RFX4: variants seen among roughly 807,000 people sequenced by gnomAD.
RFX4 encodes transcription factor RFX4.
RFX4 carries 10 observed loss-of-function variants against 95.0 expected under a neutral mutation model. The ratio of observed to expected loss-of-function variants is 0.11; its 90% CI spans 0.06 to 0.18. RFX4 has a LOEUF of 0.18. Among genes scored for constraint, RFX4 ranks in the 10% least tolerant of loss-of-function variants. The pLI is 1.00. For missense variants in RFX4, 640 were observed against 922.0 expected (o/e 0.69, Z 3.96); for synonymous variants, 321 against 340.7 (o/e 0.94, Z 0.64).
intron 15 of RFX4, 60 bp downstream of exon 15, chr12:106,733,145 C>T (rs2042645341): frequency 1.9e-6 from 3 of 1,557,848 alleles, no homozygotes; most frequent in African/African-American, 1.4e-5. Flanking sequence ...GGCTTTCTGC[C>T]AGCCTGGGCA....
chr12:106,698,698 C>T lies in RFX4; in HGVS notation c.833+2252C>T, dbSNP rs571517314. 3.6e-3 allele frequency among the ~76,000 whole-genome samples: 529 copies of T among 145,352 alleles called. 5 individuals carry two copies. Among genetic ancestry groups the T allele is most frequent in the Non-Finnish European group, 4.0e-3 (262 of 65,710 alleles). On this transcript the variant is annotated intron_variant, in intron 8 of 17. Transcript: ENST00000392842. ...TGCATTGAAAAGTGTTCCCTCTCTT[C>T]TTTTTTTTTTTAATTCATAATATTT...
At chr12:106,670,763 C>A (rs537877023) in intron 4 of RFX4, among the ~76,000 whole-genome samples, 2 of 152,264 alleles carry the variant, frequency 1.3e-5, no homozygotes, top group Admixed American at 6.5e-5. Flanking sequence ...AAGATGGAAG[C>A]ATTGAGATAG....
At chr12:106,742,113 T>C (rs1593004999) in intron 15 of RFX4, among the ~76,000 whole-genome samples, 1 of 152,178 alleles carries the variant, frequency 6.6e-6, no homozygotes, top group East Asian at 1.9e-4. Flanking sequence ...GCCAGGTAGC[T>C]TGGGAAGCAC....
At chr12:106,648,886 G>A (rs1331529877) in intron 3 of RFX4, among the ~76,000 whole-genome samples, 1 of 152,096 alleles carries the variant, frequency 6.6e-6, no homozygotes, top group Non-Finnish European at 1.5e-5. Context: ...ATTGTAAAGT[G>A]CTGATACAAA....
intron 11 of RFX4, among the ~76,000 whole-genome samples, chr12:106,718,588 A>T (rs1005607096): frequency 1.3e-5 from 2 of 152,230 alleles, no homozygotes; most frequent in African/African-American, 4.8e-5. Flanking sequence ...TCAGAATCTT[A>T]CTTCTTGTAG....
chr12:106,590,423 TA>T (rs2039522702), intron 1 of RFX4, among the ~76,000 whole-genome samples: 1 of 152,188 alleles, frequency 6.6e-6, no homozygotes, highest in Admixed American at 6.5e-5. Flanking sequence ...ATTTACAGTT[TA>T]AATAGAGAAA....
intron 4 of RFX4, among the ~76,000 whole-genome samples, chr12:106,655,030 C>T (rs538233283): frequency 6.6e-6 from 1 of 152,316 alleles, no homozygotes; most frequent in South Asian, 2.1e-4. Context: ...TTTTCTGCAT[C>T]TGCTAACAAA....
intron 17 of RFX4, among the ~76,000 whole-genome samples, chr12:106,757,425 G>A (rs1162423217): frequency 1.3e-5 from 2 of 152,036 alleles, no homozygotes; most frequent in Non-Finnish European, 2.9e-5. Context: ...GCACATACCT[G>A]TAGTCCCAGC....
At chr12:106,746,030 C>T (rs193232076) in intron 15 of RFX4, among the ~76,000 whole-genome samples, 69 of 152,104 alleles carry the variant, frequency 4.5e-4, no homozygotes, top group African/African-American at 1.5e-3. Context: ...AGTTCAAGAC[C>T]AGCCTGGGGA....
chr12:106,732,707 GTAAATAAA>G (rs372246846), intron 14 of RFX4, among the ~76,000 whole-genome samples: 3 of 151,594 alleles, frequency 2.0e-5, no homozygotes, highest in African/African-American at 7.3e-5. Flanking sequence ...CTCAAAATAA[GTAAATAAA>G]TAAATAAATA....
chr12:106,613,510 C>T (rs1283630317), intron 2 of RFX4, among the ~76,000 whole-genome samples: 12 of 151,740 alleles, frequency 7.9e-5, no homozygotes, highest in Admixed American at 7.9e-4. Flanking sequence ...TTACAGGCGC[C>T]CACCACCACA....
intron 15 of RFX4, among the ~76,000 whole-genome samples, chr12:106,746,708 A>G (rs1251947012): frequency 6.6e-6 from 1 of 152,212 alleles, no homozygotes; most frequent in East Asian, 1.9e-4. Context: ...AATAATCTTC[A>G]AAAAGACCTG....
intron 4 of RFX4, among the ~76,000 whole-genome samples, chr12:106,672,723 G>C (rs923683363): frequency 2.0e-5 from 3 of 148,414 alleles, no homozygotes; most frequent in Admixed American, 6.7e-5. Context: ...GGTGAAAGGA[G>C]AGGAGAATAA....
chr12:106,661,055 A>G (rs2041062156), intron 4 of RFX4, among the ~76,000 whole-genome samples: 1 of 152,184 alleles, frequency 6.6e-6, no homozygotes, highest in African/African-American at 2.4e-5. Flanking sequence ...AGGGCCCACC[A>G]TGTGCTGTAG....
intron 4 of RFX4, among the ~76,000 whole-genome samples, chr12:106,675,769 G>C (rs1592925312): frequency 6.6e-6 from 1 of 152,184 alleles, no homozygotes; most frequent in Non-Finnish European, 1.5e-5. Context: ...TGAAGAGAGG[G>C]CTCTGGACAA....
At chr12:106,629,550 G>T (rs1227819368) in intron 2 of RFX4, among the ~76,000 whole-genome samples, 1 of 152,114 alleles carries the variant, frequency 6.6e-6, no homozygotes. Context: ...GTGTAATCGT[G>T]GCTCACTGCA....
At chr12:106,631,124 G>C (rs748603235) in intron 2 of RFX4, among the ~76,000 whole-genome samples, 9 of 152,174 alleles carry the variant, frequency 5.9e-5, no homozygotes, top group Admixed American at 6.5e-5. Flanking sequence ...GCATTAAACT[G>C]TTCACTGTCT....
chr12:106,700,134 C>A (rs1014738836), intron 8 of RFX4, among the ~76,000 whole-genome samples: 3 of 152,032 alleles, frequency 2.0e-5, no homozygotes, highest in Non-Finnish European at 4.4e-5. Context: ...TGGGCTCAAG[C>A]AGTCCTCCCA....
intron 8 of RFX4, among the ~76,000 whole-genome samples, chr12:106,701,642 G>A (rs1233744326): frequency 6.6e-6 from 1 of 152,074 alleles, no homozygotes; most frequent in Non-Finnish European, 1.5e-5. Flanking sequence ...CCTTTGCTAT[G>A]CCAATGCTAC....
Sources: gnomAD v4.1 joint callset for allele counts (sites outside exome capture counted in the v4.1 genomes callset) on GRCh38, gnomAD v4.1.1 for gene constraint, MANE v1.5 for transcripts, NCBI Gene and HGNC (gene_info 2026-07-23, HGNC 2026-07-21) for gene names.